Variants in KATNAL2 observed in about 807,000 individuals in gnomAD.
The protein encoded by KATNAL2 is katanin p60 ATPase-containing subunit A-like 2.
A neutral mutation model predicts 76.3 loss-of-function variants in KATNAL2; 52 were observed. That is an observed-to-expected ratio of 0.68 (90% CI 0.55 to 0.86). KATNAL2 has a LOEUF of 0.86. Among genes scored for constraint, KATNAL2 ranks in the 40% least tolerant of loss-of-function variants. KATNAL2 has a pLI of 0.00. For missense variants in KATNAL2, 660 were observed against 668.9 expected (o/e 0.99, Z 0.15); for synonymous variants, 243 against 244.2 (o/e 1.00, Z 0.05).
At chr18:47,084,864 A>AAAAAAC in intron 15 of KATNAL2, among the ~76,000 whole-genome samples, 1 of 147,872 alleles carries the variant, frequency 6.8e-6, no homozygotes, top group Admixed American at 6.8e-5. Flanking sequence ...AAAAAAAAAA[A>AAAAAAC]AAAAAAAAAA....
In KATNAL2 at chr18:47,052,930, G is replaced by T. The variant is rs199680904; in HGVS notation, c.173G>T (p.Arg58Leu). The T allele has an allele frequency of 5.0e-6, 8 of 1,612,342 alleles. No homozygotes were observed. The highest frequency in any genetic ancestry group is 5.9e-6 in the Non-Finnish European group (7 of 1,179,224). ...ALEQETKLGL[R>L]RFEVCDNIDL... is the part of the protein sequence containing the mutation. ...GAGCAAGAAACTAAACTGGGGTTAC[G>T]ACGGTTTGAAGTTTGTGACAACATT... Residue 58 changes from arginine (R) to leucine (L), a missense_variant, in exon 5 of 18, where the codon CGA (arginine) becomes CTA (leucine). Coordinates refer to ENST00000683218, the MANE Select transcript of KATNAL2 (RefSeq NM_001387690.1).
chr18:47,033,040 G>A, intron 3 of KATNAL2: 1 of 1,614,142 alleles, frequency 6.2e-7, no homozygotes, highest in Non-Finnish European at 8.5e-7. Flanking sequence ...GTCTCGAATT[G>A]CCTTGGCCAT....
intron 14 of KATNAL2, among the ~76,000 whole-genome samples, chr18:47,076,859 G>A (rs762548102): frequency 1.5e-4 from 22 of 150,244 alleles, no homozygotes; most frequent in Non-Finnish European, 3.0e-4. Context: ...CTTAGGCAAA[G>A]GTAGTTGAGT....
At chr18:47,083,106 A>G (rs757268413) in intron 15 of KATNAL2, among the ~76,000 whole-genome samples, 87 of 152,254 alleles carry the variant, frequency 5.7e-4, no homozygotes, top group Non-Finnish European at 1.0e-3. Flanking sequence ...ATTTCCTTGC[A>G]TAAAAATCTT....
chr18:47,046,940 A>G (rs1355910865), intron 4 of KATNAL2, among the ~76,000 whole-genome samples: 1 of 151,954 alleles, frequency 6.6e-6, no homozygotes, highest in Non-Finnish European at 1.5e-5. Flanking sequence ...ACCCAGACAT[A>G]CACTTTTTTT....
At chr18:46,944,190 C>A (rs1418263707) in intron 1 of KATNAL2, among the ~76,000 whole-genome samples, 2 of 152,116 alleles carry the variant, frequency 1.3e-5, no homozygotes, top group Non-Finnish European at 2.9e-5. Flanking sequence ...AAGACAATTT[C>A]AAAGGTTATA....
At chr18:47,082,849 G>C (rs1306429690) in intron 15 of KATNAL2, among the ~76,000 whole-genome samples, 1 of 152,170 alleles carries the variant, frequency 6.6e-6, no homozygotes, top group East Asian at 1.9e-4. Context: ...AAGTATGGTA[G>C]AGCCTGCCAA....
intron 3 of KATNAL2, chr18:47,034,325 T>C (rs1747596633): frequency 6.2e-7 from 1 of 1,612,650 alleles, no homozygotes; most frequent in Non-Finnish European, 8.5e-7. Context: ...CTCTTCTTGT[T>C]CGAGTGACTG....
rs555685769 is a variant in KATNAL2 at position 47,039,147 on chromosome 18, A to G, written c.52-7310A>G. The stretch of plus-strand genomic sequence containing the variant: ...TTCAGTTAGACTATTTATTTTATAT[A>G]TCAAGCCACAATTTTACTTAAATTA... On this transcript the variant is annotated intron_variant, in intron 3 of 17. Coordinates refer to ENST00000683218, the MANE Select transcript of KATNAL2 (RefSeq NM_001387690.1). Among the ~76,000 whole-genome samples, 668 of 152,314 alleles carry G rather than the reference A, an allele frequency of 4.4e-3. 2 individuals carry two copies. The highest frequency in any genetic ancestry group is 0.015 in the African/African-American group (634 of 41,550).
At chr18:47,043,044 G>A (rs2061016100) in intron 3 of KATNAL2, among the ~76,000 whole-genome samples, 1 of 151,872 alleles carries the variant, frequency 6.6e-6, no homozygotes, top group Non-Finnish European at 1.5e-5. Context: ...TGGCTAATAC[G>A]GTGAAACCCC....
At chr18:46,942,198 CTTTTG>C (rs57686241) in intron 1 of KATNAL2, among the ~76,000 whole-genome samples, 80,055 of 151,458 alleles carry the variant, frequency 0.53, 21,368 homozygotes, top group Middle Eastern at 0.57. Context: ...CTAATACAGC[CTTTTG>C]TTTTGTTCTC....
intron 15 of KATNAL2, chr18:47,098,311 A>G: frequency 6.8e-6 from 2 of 296,296 alleles, no homozygotes; most frequent in South Asian, 5.9e-5. Flanking sequence ...CTGGACTTAC[A>G]GTTTCACATG....
At position 47,100,360 on chromosome 18, in the gene KATNAL2, T is replaced by C. The variant is rs2063411592; in HGVS notation, c.1477+4T>C. 3.7e-6 allele frequency: 6 copies of C among 1,610,700 alleles called. No homozygotes were observed. The highest frequency in any genetic ancestry group is 1.7e-4 in the Middle Eastern group (1 of 6,056). On this transcript the variant is annotated splice_donor_region_variant and intron_variant, in intron 17 of 17. Transcript: ENST00000683218. ...GCACTTGAAAATCACCAGTCAGGTA[T>C]GGGTTGGATCACCATGAAGGTGTTC...
chr18:47,046,985 G>A (rs2061180785), intron 4 of KATNAL2, among the ~76,000 whole-genome samples: 1 of 151,978 alleles, frequency 6.6e-6, no homozygotes, highest in Non-Finnish European at 1.5e-5. Flanking sequence ...TCTTGTCAAG[G>A]CTGGAGTGTA....
At chr18:46,936,529 C>A (rs1375570532) in intron 1 of KATNAL2, among the ~76,000 whole-genome samples, 2 of 152,214 alleles carry the variant, frequency 1.3e-5, no homozygotes, top group South Asian at 2.1e-4. Context: ...CGATTGAGCC[C>A]ATAAGTTTGA....
intron 15 of KATNAL2, among the ~76,000 whole-genome samples, chr18:47,086,248 A>G (rs2062766852): frequency 6.6e-6 from 1 of 152,148 alleles, no homozygotes; most frequent in South Asian, 2.1e-4. Context: ...ATTAGTTTGT[A>G]TTACCTCACC....
At chr18:47,024,980 G>A (rs2060263195) in intron 3 of KATNAL2, among the ~76,000 whole-genome samples, 1 of 112,874 alleles carries the variant, frequency 8.9e-6, no homozygotes, top group Non-Finnish European at 1.9e-5. Flanking sequence ...AGAAGTCTCT[G>A]GTGGGGACCT....
chr18:47,091,624 T>G (rs1348079234), intron 15 of KATNAL2, among the ~76,000 whole-genome samples: 1 of 152,088 alleles, frequency 6.6e-6, no homozygotes, highest in Non-Finnish European at 1.5e-5. Context: ...TGTCAGAGAG[T>G]TGCACTTATT....
chr18:47,069,713 ACTCC>A, intron 13 of KATNAL2, 113 bp downstream of exon 13: 4 of 649,042 alleles, frequency 6.2e-6, no homozygotes, highest in East Asian at 2.7e-5. Context: ...CTCAAGATCC[ACTCC>A]TGGATCTTGA....
Sources: gnomAD v4.1 joint callset for allele counts (sites outside exome capture counted in the v4.1 genomes callset) on GRCh38, gnomAD v4.1.1 for gene constraint, MANE v1.5 for transcripts, NCBI Gene and HGNC (gene_info 2026-07-23, HGNC 2026-07-21) for gene names.